PTCHD4: variants seen among roughly 807,000 people sequenced by gnomAD.
The protein encoded by PTCHD4 is patched domain containing 4.
A neutral mutation model predicts 58.1 loss-of-function variants in PTCHD4; 33 were observed. The observed-to-expected ratio is 0.57, with a 90% CI of 0.43 to 0.76. The LOEUF is 0.76. Ranked by LOEUF, PTCHD4 falls within the 30% of genes least tolerant of loss-of-function variation. The pLI, the probability that PTCHD4 is intolerant of heterozygous loss-of-function variation, is 0.00. For synonymous variants in PTCHD4, 478 were observed against 409.6 expected, an observed-to-expected ratio of 1.17 and a Z score of -2.02; for missense variants, 1,058 against 1,027.1, an observed-to-expected ratio of 1.03 and a Z score of -0.41.
intron 4 of PTCHD4, among the ~76,000 whole-genome samples, chr6:47,981,543 T>C (rs1767883537): frequency 1.3e-5 from 2 of 152,152 alleles, no homozygotes; most frequent in Non-Finnish European, 2.9e-5. Flanking sequence ...TTAGGGAAAA[T>C]TGAAAAATCT....
chr6:47,913,472 T>C (rs1418012331), intron 4 of PTCHD4, among the ~76,000 whole-genome samples: 1 of 152,124 alleles, frequency 6.6e-6, no homozygotes, highest in African/African-American at 2.4e-5. Flanking sequence ...TTTTTCACTC[T>C]GGTAAAAAAT....
chr6:48,089,206 TAGC>T (rs1765318619), intron 1 of PTCHD4, among the ~76,000 whole-genome samples: 1 of 152,198 alleles, frequency 6.6e-6, no homozygotes, highest in South Asian at 2.1e-4. Context: ...ATAGTAGTGA[TAGC>T]AGAAGAATTT....
intron 4 of PTCHD4, among the ~76,000 whole-genome samples, chr6:47,959,584 C>G (rs1767002521): frequency 6.6e-6 from 1 of 151,976 alleles, no homozygotes; most frequent in Non-Finnish European, 1.5e-5. Flanking sequence ...GTGAAAGGAA[C>G]ATGATGAAAA....
chr6:47,932,146 T>C (rs555306291), intron 4 of PTCHD4, among the ~76,000 whole-genome samples: 1 of 152,288 alleles, frequency 6.6e-6, no homozygotes, highest in East Asian at 1.9e-4. Flanking sequence ...ATCCCCAGGG[T>C]GTGGCAGTTG....
rs529832904 is a variant in PTCHD4, at chr6:47,907,837, C to T, written c.899-27901G>A. ...ACACAGCTTTCAGAATCCCCTGTAGCCAGGATGGTGTCAGCAGACTGTAGG... is the reference window on the plus strand; with the variant it reads ...ACACAGCTTTCAGAATCCCCTGTAGTCAGGATGGTGTCAGCAGACTGTAGG... On this transcript the variant is annotated intron_variant, in intron 4 of 4. Transcript: ENST00000339488. Among the ~76,000 whole-genome samples the T allele has an allele frequency of 1.2e-4, 18 of 152,242 alleles. No individual in the cohort carries two copies. The South Asian group carries it at 3.7e-3, about 32-fold the overall frequency.
chr6:47,935,134 C>T (rs923137664), intron 4 of PTCHD4, among the ~76,000 whole-genome samples: 4 of 152,184 alleles, frequency 2.6e-5, no homozygotes, highest in African/African-American at 9.6e-5. Context: ...TTTAAGGGCT[C>T]TTGTTATAAA....
chr6:47,893,220 A>G (rs1419508247), intron 4 of PTCHD4, among the ~76,000 whole-genome samples: 1 of 151,838 alleles, frequency 6.6e-6, no homozygotes, highest in East Asian at 1.9e-4. Context: ...CATGTTGACC[A>G]GGATGGTTTC....
chr6:48,018,683 C>T (rs1324450064), intron 3 of PTCHD4, among the ~76,000 whole-genome samples: 3 of 152,186 alleles, frequency 2.0e-5, no homozygotes, highest in African/African-American at 7.2e-5. Context: ...ATTCTCTCTA[C>T]CATTTGCTTA....
chr6:47,952,218 T>C (rs1157676834), intron 4 of PTCHD4, among the ~76,000 whole-genome samples: 1 of 152,160 alleles, frequency 6.6e-6, no homozygotes, highest in Non-Finnish European at 1.5e-5. Flanking sequence ...TCTATTTTAA[T>C]GTAAGCTTTT....
At chr6:48,094,152 G>A (rs1353734071) in intron 1 of PTCHD4, among the ~76,000 whole-genome samples, 1 of 152,070 alleles carries the variant, frequency 6.6e-6, no homozygotes, top group Non-Finnish European at 1.5e-5. Flanking sequence ...AAAGAGAAAG[G>A]GCGTTTCAGA....
intron 3 of PTCHD4, among the ~76,000 whole-genome samples, chr6:48,024,369 C>A (rs1346681732): frequency 6.6e-6 from 1 of 152,060 alleles, no homozygotes; most frequent in Non-Finnish European, 1.5e-5. Flanking sequence ...CTGTTCCAGT[C>A]CAGGAGGTTC....
rs1340261223 is a variant in PTCHD4 at position 47,867,181 on chromosome 6, CTGTT to C, written c.*11118_*11121del. On this transcript the variant is annotated 3_prime_UTR_variant, in exon 5 of 5. Transcript: ENST00000339488. Reference sequence around the variant, plus strand: ...GTTAATTGGAGTGTATTAGTTTGAGCTGTTTGTTCTGGAGAGTTTGGGTTCCCAG... The same window carrying C: ...GTTAATTGGAGTGTATTAGTTTGAGCTGTTCTGGAGAGTTTGGGTTCCCAG... Among the ~76,000 whole-genome samples the C allele has an allele frequency of 2.0e-5, 3 of 151,658 alleles. No individual in the cohort carries two copies. Among genetic ancestry groups the C allele is most frequent in the Non-Finnish European group, 4.4e-5 (3 of 67,812 alleles).
intron 1 of PTCHD4, among the ~76,000 whole-genome samples, chr6:48,076,634 T>C (rs1170164857): frequency 7.9e-5 from 12 of 152,178 alleles, no homozygotes; most frequent in Non-Finnish European, 1.8e-4. Context: ...AGCTGGTGGG[T>C]AACCAGGTGC....
At position 47,878,621 on chromosome 6, in the gene PTCHD4, C is replaced by T. The variant is rs1490416666; in HGVS notation, c.2214G>A (p.Glu738=). The T allele has an allele frequency of 1.2e-6, 2 of 1,613,594 alleles. No individual in the cohort carries two copies. Among genetic ancestry groups the T allele is most frequent in the Admixed American group, 3.3e-5 (2 of 59,888 alleles). The change falls in exon 5 of 5, where the codon GAG becomes GAA. Residue 738 remains glutamate (E), a synonymous_variant. Coordinates refer to ENST00000339488, the MANE Select transcript of PTCHD4 (RefSeq NM_001384253.1). The part of the protein sequence containing the change: ...PLLFTFVLAT[E]HTRTQCIKSS... ...TTTTTATACATTGTGTTCGGGTGTG[C>T]TCAGTTGCTAATACAAATGTGAAAA...
At chr6:47,969,333 C>T (rs957865080) in intron 4 of PTCHD4, among the ~76,000 whole-genome samples, 1 of 152,222 alleles carries the variant, frequency 6.6e-6, no homozygotes, top group Non-Finnish European at 1.5e-5. Flanking sequence ...ACCTATCAAG[C>T]GTGCATTTAC....
At chr6:48,003,416 T>C (rs1049533739) in intron 4 of PTCHD4, among the ~76,000 whole-genome samples, 4 of 152,190 alleles carry the variant, frequency 2.6e-5, no homozygotes, top group African/African-American at 7.2e-5. Context: ...GGGGTCATCA[T>C]TGACAATTCT....
At position 47,872,917 on chromosome 6, in the gene PTCHD4, TAG is replaced by T; in HGVS notation, c.*5384_*5385del. ...AAGCAAGTGGCTTCTCTATCAGCAA[TAG>T]AGAGTCCTCATTAAGTATGAAAAAA... On this transcript the variant is annotated 3_prime_UTR_variant, in exon 5 of 5. Coordinates refer to ENST00000339488, the MANE Select transcript of PTCHD4 (RefSeq NM_001384253.1). 6.6e-6 allele frequency among the ~76,000 whole-genome samples: 1 copy of T among 151,756 alleles called. No homozygotes were observed. Among genetic ancestry groups the T allele is most frequent in the African/African-American group, 2.4e-5 (1 of 41,482 alleles).
At chr6:47,988,346 ATAGTGAC>A (rs1768155733) in intron 4 of PTCHD4, among the ~76,000 whole-genome samples, 1 of 152,218 alleles carries the variant, frequency 6.6e-6, no homozygotes, top group South Asian at 2.1e-4. Context: ...TTTTGCAAAA[ATAGTGAC>A]TATCACATAC....
chr6:47,990,071 A>C (rs1410806222), intron 4 of PTCHD4, among the ~76,000 whole-genome samples: 1 of 152,188 alleles, frequency 6.6e-6, no homozygotes, highest in Non-Finnish European at 1.5e-5. Flanking sequence ...GTCAAAGGAG[A>C]TAATTTTGGA....
Sources: gnomAD v4.1 joint callset for allele counts (sites outside exome capture counted in the v4.1 genomes callset) on GRCh38, gnomAD v4.1.1 for gene constraint, MANE v1.5 for transcripts, NCBI Gene and HGNC (gene_info 2026-07-23, HGNC 2026-07-21) for gene names.